Variants in PLPPR1 observed in about 807,000 individuals in gnomAD.
PLPPR1 encodes phospholipid phosphatase-related protein type 1.
A neutral mutation model predicts 33.1 loss-of-function variants in PLPPR1; 10 were observed. The observed-to-expected ratio is 0.30, with a 90% CI of 0.19 to 0.51. PLPPR1 has a LOEUF of 0.51. PLPPR1 is among the 20% of genes least tolerant of loss of function. The pLI, the probability that PLPPR1 is intolerant of heterozygous loss-of-function variation, is 0.97. For missense variants in PLPPR1, 304 were observed against 408.1 expected (o/e 0.74, Z 2.20); for synonymous variants, 151 against 151.0 (o/e 1.00, Z 0.00).
intron 1 of PLPPR1, among the ~76,000 whole-genome samples, chr9:101,137,619 C>T (rs1301604985): frequency 6.6e-6 from 1 of 152,104 alleles, no homozygotes; most frequent in Non-Finnish European, 1.5e-5. Flanking sequence ...TTGTGCAAGG[C>T]ATAGCCTGCA....
intron 1 of PLPPR1, among the ~76,000 whole-genome samples, chr9:101,053,373 A>C (rs556352680): frequency 1.3e-5 from 2 of 152,168 alleles, no homozygotes; most frequent in Non-Finnish European, 2.9e-5. Flanking sequence ...ATTCATTTAG[A>C]CTCAGAATTC....
chr9:101,123,013 G>A (rs890568289), intron 1 of PLPPR1, among the ~76,000 whole-genome samples: 6 of 152,128 alleles, frequency 3.9e-5, no homozygotes, highest in African/African-American at 9.7e-5. Flanking sequence ...ATGTAACATC[G>A]GTATGGTAGA....
intron 1 of PLPPR1, among the ~76,000 whole-genome samples, chr9:101,145,456 A>G (rs2118639685): frequency 6.6e-6 from 1 of 152,152 alleles, no homozygotes; most frequent in East Asian, 1.9e-4. Flanking sequence ...ATCTTGGCTC[A>G]CTGCAACCTC....
chr9:101,070,658 G>A lies in PLPPR1; in HGVS notation c.-46+41556G>A, dbSNP rs116387044. On this transcript the variant is annotated intron_variant, in intron 1 of 7. Coordinates refer to ENST00000374874, the MANE Select transcript of PLPPR1 (RefSeq NM_207299.2). ...AATAACGGCCTACCCTGGTTTCCTC[G>A]TTTAAATCATGATCTTTCCTCTAAA... is the stretch of plus-strand genomic sequence containing the variant. Among the ~76,000 whole-genome samples, 1,423 of 152,064 alleles carry A rather than the reference G, an allele frequency of 9.4e-3. 21 individuals are homozygous for A. The highest frequency in any genetic ancestry group is 0.032 in the African/African-American group (1,336 of 41,498).
intron 1 of PLPPR1, among the ~76,000 whole-genome samples, chr9:101,109,132 G>GTATTTTTTTT (rs1831017534): frequency 1.2e-5 from 1 of 83,658 alleles, no homozygotes; most frequent in Non-Finnish European, 2.3e-5. Context: ...CTAATTTTTT[G>GTATTTTTTTT]TATTTTTTTT....
intron 1 of PLPPR1, among the ~76,000 whole-genome samples, chr9:101,163,726 G>A (rs1209458344): frequency 6.6e-6 from 1 of 152,180 alleles, no homozygotes; most frequent in Admixed American, 6.6e-5. Context: ...ACTGTAACAG[G>A]TGTTAACTTC....
intron 1 of PLPPR1, among the ~76,000 whole-genome samples, chr9:101,137,022 C>T (rs1230446555): frequency 6.6e-6 from 1 of 152,032 alleles, no homozygotes; most frequent in African/African-American, 2.4e-5. Context: ...ATGATAAATG[C>T]TTGAGGTGAT....
At chr9:101,198,878 G>A (rs80058713) in intron 2 of PLPPR1, among the ~76,000 whole-genome samples, 2,913 of 152,288 alleles carry the variant, frequency 0.019, 106 homozygotes, top group African/African-American at 0.067. Flanking sequence ...GAGGAGACTG[G>A]CAAGGTAGGC....
intron 1 of PLPPR1, among the ~76,000 whole-genome samples, chr9:101,108,608 A>C (rs140752256): frequency 0.018 from 2,728 of 152,348 alleles, 74 homozygotes; most frequent in Admixed American, 0.075. Context: ...TGGTCACCTT[A>C]AGACAGCAAA....
At chr9:101,201,405 A>T (rs913159900) in intron 2 of PLPPR1, among the ~76,000 whole-genome samples, 5 of 152,148 alleles carry the variant, frequency 3.3e-5, no homozygotes, top group African/African-American at 1.2e-4. Flanking sequence ...ATCTCCTAAG[A>T]TGAAACACTT....
At chr9:101,065,578 G>A (rs971176626) in intron 1 of PLPPR1, among the ~76,000 whole-genome samples, 4 of 152,042 alleles carry the variant, frequency 2.6e-5, no homozygotes, top group Non-Finnish European at 5.9e-5. Flanking sequence ...AAATTGTCAA[G>A]CATTCTGGGA....
At chr9:101,062,149 G>GGTTGTGTGTGTGT (rs374602198) in intron 1 of PLPPR1, among the ~76,000 whole-genome samples, 21 of 148,550 alleles carry the variant, frequency 1.4e-4, no homozygotes, top group African/African-American at 5.0e-4. Flanking sequence ...GACAAAATGT[G>GGTTGTGTGTGTGT]GTGTGTGTGT....
At chr9:101,214,267 A>G (rs189707490) in intron 2 of PLPPR1, among the ~76,000 whole-genome samples, 203 of 152,378 alleles carry the variant, frequency 1.3e-3, no homozygotes, top group South Asian at 2.7e-3. Context: ...GGTACCTTAT[A>G]TCCTTGAATA....
chr9:101,290,977 C>A (rs978007479), intron 4 of PLPPR1, among the ~76,000 whole-genome samples: 1 of 152,152 alleles, frequency 6.6e-6, no homozygotes, highest in Non-Finnish European at 1.5e-5. Flanking sequence ...CAAAGTAGGG[C>A]GAGGCATTGC....
At chr9:101,080,303 A>T (rs920718751) in intron 1 of PLPPR1, among the ~76,000 whole-genome samples, 1 of 151,978 alleles carries the variant, frequency 6.6e-6, no homozygotes, top group African/African-American at 2.4e-5. Flanking sequence ...GCATTTTGGG[A>T]GGCTACCCTA....
chr9:101,192,043 A>C (rs1180843634), intron 2 of PLPPR1, among the ~76,000 whole-genome samples: 1 of 152,256 alleles, frequency 6.6e-6, no homozygotes, highest in Non-Finnish European at 1.5e-5. Flanking sequence ...GTTCAGCAAG[A>C]ACTTGATGAT....
intron 1 of PLPPR1, among the ~76,000 whole-genome samples, chr9:101,166,995 G>C (rs1825867099): frequency 6.7e-6 from 1 of 148,254 alleles, no homozygotes; most frequent in African/African-American, 2.5e-5. Flanking sequence ...CCTGTCGCTA[G>C]GGCATAGGGA....
At chr9:101,280,613 G>A (rs560896855) in intron 3 of PLPPR1, among the ~76,000 whole-genome samples, 1 of 152,252 alleles carries the variant, frequency 6.6e-6, no homozygotes, top group East Asian at 1.9e-4. Context: ...GGGATGCAAG[G>A]ATGGTTCAAC....
intron 1 of PLPPR1, chr9:101,125,676 C>G (rs1017737491): frequency 1.6e-6 from 1 of 622,430 alleles, no homozygotes; most frequent in Non-Finnish European, 2.9e-6. Context: ...TTTAGCAAAA[C>G]AATGACCATT....
Sources: allele counts gnomAD v4.1 joint callset (sites outside exome capture counted in the v4.1 genomes callset), GRCh38; gene constraint gnomAD v4.1.1; transcripts MANE v1.5; gene names NCBI Gene and HGNC (gene_info 2026-07-23, HGNC 2026-07-21).